The following ZNF385D variants were observed in gnomAD, a reference collection of about 807,000 sequenced individuals.
The protein encoded by ZNF385D is zinc finger protein 385D.
In ZNF385D, 15 loss-of-function variants were observed where a neutral mutation model predicts 35.8. That is an observed-to-expected ratio of 0.42 (90% CI 0.28 to 0.64). ZNF385D has a LOEUF of 0.64. Ranked by LOEUF, ZNF385D falls within the 30% of genes least tolerant of loss-of-function variation. The pLI is 0.23. For missense variants in ZNF385D, 474 were observed against 494.6 expected, an observed-to-expected ratio of 0.96 and a Z score of 0.39; for synonymous variants, 212 against 186.8, an observed-to-expected ratio of 1.13 and a Z score of -1.10.
At chr3:21,796,982 C>T (rs2072182771) in intron 3 of ZNF385D, among the ~76,000 whole-genome samples, 1 of 152,130 alleles carries the variant, frequency 6.6e-6, no homozygotes, top group South Asian at 2.1e-4. Flanking sequence ...GTGGCATGAT[C>T]CATGCAAGAA....
At chr3:21,733,624 T>C (rs1489972627) in intron 1 of ZNF385D, among the ~76,000 whole-genome samples, 1 of 152,190 alleles carries the variant, frequency 6.6e-6, no homozygotes, top group Non-Finnish European at 1.5e-5. Flanking sequence ...TTTTTCTCTT[T>C]TGTGATTCTG....
At chr3:22,284,304 T>C (rs776938531) in intron 2 of ZNF385D, among the ~76,000 whole-genome samples, 4 of 152,110 alleles carry the variant, frequency 2.6e-5, no homozygotes, top group African/African-American at 7.2e-5. Context: ...TTCCTCTGCC[T>C]CAGCCTCCCA....
chr3:22,316,401 T>G (rs985490726), intron 2 of ZNF385D, among the ~76,000 whole-genome samples: 2 of 152,214 alleles, frequency 1.3e-5, no homozygotes, highest in African/African-American at 4.8e-5. Context: ...TAGGTCTTTC[T>G]TTAATGACCA....
chr3:21,780,684 C>T (rs181144912), intron 3 of ZNF385D, among the ~76,000 whole-genome samples: 3 of 152,132 alleles, frequency 2.0e-5, no homozygotes, highest in Admixed American at 2.0e-4. Flanking sequence ...TTACATTAGA[C>T]TAATGACATT....
chr3:21,996,270 G>C (rs1695462399), intron 3 of ZNF385D, among the ~76,000 whole-genome samples: 1 of 152,162 alleles, frequency 6.6e-6, no homozygotes, highest in African/African-American at 2.4e-5. Flanking sequence ...GACGGCAGGA[G>C]TCAATGGTGG....
intron 2 of ZNF385D, among the ~76,000 whole-genome samples, chr3:21,616,803 A>T (rs1389961932): frequency 2.0e-5 from 3 of 152,220 alleles, no homozygotes; most frequent in African/African-American, 7.2e-5. Context: ...TTTGATAAAT[A>T]AGATGAAAAT....
At chr3:22,241,620 CT>C (rs985717244) in intron 2 of ZNF385D, among the ~76,000 whole-genome samples, 1 of 151,066 alleles carries the variant, frequency 6.6e-6, no homozygotes, top group East Asian at 2.0e-4. Flanking sequence ...ATTAATTAGG[CT>C]TTTTTACTCA....
chr3:21,987,725 G>C (rs1321780093), intron 3 of ZNF385D, among the ~76,000 whole-genome samples: 2 of 145,768 alleles, frequency 1.4e-5, no homozygotes, highest in Non-Finnish European at 3.0e-5. Context: ...TGCCTTGCTA[G>C]GTTGGGGAAG....
chr3:21,562,817 G>A (rs2063000492), intron 3 of ZNF385D, among the ~76,000 whole-genome samples: 1 of 82,298 alleles, frequency 1.2e-5, no homozygotes, highest in Non-Finnish European at 2.4e-5. Context: ...TCTTATTTAT[G>A]TATTAAGAGG....
intron 3 of ZNF385D, among the ~76,000 whole-genome samples, chr3:21,994,818 T>G (rs549715868): frequency 9.5e-4 from 144 of 152,324 alleles, no homozygotes; most frequent in African/African-American, 2.4e-3. Flanking sequence ...GCATCAATAG[T>G]GTCTATGATT....
intron 3 of ZNF385D, among the ~76,000 whole-genome samples, chr3:21,966,819 T>C (rs546466728): frequency 6.6e-6 from 1 of 152,336 alleles, no homozygotes; most frequent in East Asian, 1.9e-4. Context: ...TGGCCTCAAG[T>C]GATCTGCCAA....
chr3:22,153,935 G>T (rs573432454), intron 3 of ZNF385D, among the ~76,000 whole-genome samples: 1 of 152,196 alleles, frequency 6.6e-6, no homozygotes, highest in South Asian at 2.1e-4. Flanking sequence ...GCTAATCATG[G>T]TAGCACTCTC....
At chr3:21,451,161 C>T (rs550178814) in intron 4 of ZNF385D, among the ~76,000 whole-genome samples, 11 of 152,016 alleles carry the variant, frequency 7.2e-5, no homozygotes, top group South Asian at 2.1e-4. Context: ...ATCAATATGA[C>T]GAACCAATCA....
At chr3:21,622,240 G>A (rs2065028303) in intron 2 of ZNF385D, among the ~76,000 whole-genome samples, 2 of 152,068 alleles carry the variant, frequency 1.3e-5, no homozygotes, top group Admixed American at 1.3e-4. Context: ...ACTTCAAAAA[G>A]AAAATAAAGT....
At chr3:21,916,425 T>C (rs1287602950) in intron 3 of ZNF385D, among the ~76,000 whole-genome samples, 2 of 152,188 alleles carry the variant, frequency 1.3e-5, no homozygotes, top group African/African-American at 2.4e-5. Context: ...TTTTAACTTT[T>C]ACACTTATGT....
chr3:22,088,859 G>A (rs1341193996), intron 3 of ZNF385D, among the ~76,000 whole-genome samples: 2 of 152,096 alleles, frequency 1.3e-5, no homozygotes, highest in African/African-American at 2.4e-5. Flanking sequence ...GTGCAGCTAA[G>A]TTGTGTTGCT....
At chr3:21,874,262 A>T (rs1171908473) in intron 3 of ZNF385D, among the ~76,000 whole-genome samples, 1 of 152,080 alleles carries the variant, frequency 6.6e-6, no homozygotes, top group Non-Finnish European at 1.5e-5. Flanking sequence ...GATGTTGAGC[A>T]TCTTTTAATA....
chr3:22,248,294 C>A (rs1215358375), intron 2 of ZNF385D, among the ~76,000 whole-genome samples: 1 of 152,106 alleles, frequency 6.6e-6, no homozygotes, highest in Non-Finnish European at 1.5e-5. Context: ...TGGGAGGAAA[C>A]CTTAAATTTT....
rs898597595 is a variant in ZNF385D at position 21,780,622 on chromosome 3, A to C, written c.326-115594T>G. Among the ~76,000 whole-genome samples, 6 of 152,190 alleles carry C rather than the reference A, an allele frequency of 3.9e-5. No homozygotes were observed. In the South Asian group the frequency reaches 1.2e-3, roughly 32 times the overall value. ...ATGTTAGGGACCAACAGTAGTTCAC[A>C]TATGGAAGTGCTACTAAAGCATGAA... On this transcript the variant is annotated intron_variant, in intron 3 of 5. Transcript: ENST00000494108.
Sources: gnomAD v4.1 joint callset for allele counts (sites outside exome capture counted in the v4.1 genomes callset) on GRCh38, gnomAD v4.1.1 for gene constraint, MANE v1.5 for transcripts, NCBI Gene and HGNC (gene_info 2026-07-23, HGNC 2026-07-21) for gene names.